ATL2: variants seen among roughly 807,000 people sequenced by gnomAD.
ATL2 encodes atlastin GTPase 2.
In ATL2, 31 loss-of-function variants were observed where a neutral mutation model predicts 73.9. That is an observed-to-expected ratio of 0.42 (90% CI 0.32 to 0.57). ATL2 has a LOEUF of 0.57. Ranked by LOEUF, ATL2 falls within the 20% of genes least tolerant of loss-of-function variation. The pLI, the probability that ATL2 is intolerant of heterozygous loss-of-function variation, is 0.14. For synonymous variants in ATL2, 291 were observed against 237.5 expected, an observed-to-expected ratio of 1.23 and a Z score of -2.07; for missense variants, 738 against 702.6, an observed-to-expected ratio of 1.05 and a Z score of -0.57.
intron 12 of ATL2, chr2:38,296,430 C>G: frequency 6.4e-7 from 1 of 1,556,948 alleles, no homozygotes; most frequent in Non-Finnish European, 8.7e-7. Flanking sequence ...GCTTATTGTC[C>G]TACATGTGTA....
In ATL2 at chr2:38,318,115, T is replaced by A. The variant is rs76699247; in HGVS notation, c.603+420A>T. On this transcript the variant is annotated intron_variant, in intron 4 of 12. Coordinates refer to ENST00000378954, the MANE Select transcript of ATL2 (RefSeq NM_001135673.4). Reference sequence around the variant, plus strand: ...GAGTGTGCATGATCACACCCATGAATAGCCACTGCACTCCAACCTGGGCAA... The same window carrying A: ...GAGTGTGCATGATCACACCCATGAAAAGCCACTGCACTCCAACCTGGGCAA... Among the ~76,000 whole-genome samples the A allele has an allele frequency of 6.8e-3, 1,042 of 152,130 alleles. 12 individuals are homozygous for A. Among genetic ancestry groups the A allele is most frequent in the East Asian group, 0.056 (291 of 5,158 alleles).
intron 2 of ATL2, among the ~76,000 whole-genome samples, chr2:38,337,490 A>AAAAAAAAAAAAAAAAAAAAAAAAAAC (rs1669435753): frequency 8.6e-6 from 1 of 115,684 alleles, no homozygotes; most frequent in Non-Finnish European, 1.7e-5. Flanking sequence ...TGTCTCCAAA[A>AAAAAAAAAAAAAAAAAAAAAAAAAAC]AAAAAAAAAA....
At chr2:38,324,628 A>C (rs1323319857) in intron 2 of ATL2, among the ~76,000 whole-genome samples, 7 of 152,210 alleles carry the variant, frequency 4.6e-5, no homozygotes, top group African/African-American at 1.7e-4. Flanking sequence ...GGACAAATCA[A>C]TGAAATTATG....
chr2:38,343,577 C>A (rs972002439), intron 1 of ATL2, 65 bp from the exon 2 acceptor site: 7 of 1,495,508 alleles, frequency 4.7e-6, no homozygotes, highest in Non-Finnish European at 6.4e-6. Flanking sequence ...CATTAAGGAC[C>A]ACAACTAAAG....
intron 2 of ATL2, among the ~76,000 whole-genome samples, chr2:38,336,793 A>C (rs1669381553): frequency 6.6e-6 from 1 of 152,218 alleles, no homozygotes; most frequent in South Asian, 2.1e-4. Context: ...TAAGTAAGAT[A>C]ATGCCTGCTA....
chr2:38,371,561 T>C (rs939424076), intron 1 of ATL2, among the ~76,000 whole-genome samples: 2 of 151,250 alleles, frequency 1.3e-5, no homozygotes, highest in Non-Finnish European at 2.9e-5. Context: ...CTAGGGTAGA[T>C]ATTAACCACT....
chr2:38,326,093 T>C (rs545760373), intron 2 of ATL2, among the ~76,000 whole-genome samples: 1 of 151,854 alleles, frequency 6.6e-6, no homozygotes, highest in African/African-American at 2.4e-5. Context: ...AAAATAAAAC[T>C]AAGATTTAAC....
chr2:38,353,191 A>C (rs1466654945), intron 1 of ATL2, among the ~76,000 whole-genome samples: 3 of 152,354 alleles, frequency 2.0e-5, no homozygotes, highest in East Asian at 3.9e-4. Context: ...AAATACGTTC[A>C]AGGACTTACA....
At chr2:38,324,978 T>C (rs1296960501) in intron 2 of ATL2, among the ~76,000 whole-genome samples, 1 of 152,176 alleles carries the variant, frequency 6.6e-6, no homozygotes, top group Non-Finnish European at 1.5e-5. Flanking sequence ...TACACAACAA[T>C]GTGAACAGAC....
intron 1 of ATL2, among the ~76,000 whole-genome samples, chr2:38,368,534 G>T (rs2124490580): frequency 6.6e-6 from 1 of 152,290 alleles, no homozygotes; most frequent in Admixed American, 6.5e-5. Flanking sequence ...TTACAGGCAT[G>T]AGCCACTGCA....
chr2:38,336,361 G>A (rs1417137587), intron 2 of ATL2, among the ~76,000 whole-genome samples: 1 of 152,128 alleles, frequency 6.6e-6, no homozygotes, highest in South Asian at 2.1e-4. Flanking sequence ...AAACATAAAG[G>A]ACAGTTTTTT....
intron 2 of ATL2, among the ~76,000 whole-genome samples, chr2:38,329,757 T>G (rs746166088): frequency 1.3e-5 from 2 of 152,120 alleles, no homozygotes; most frequent in Non-Finnish European, 1.5e-5. Context: ...CATGATCAAG[T>G]GGGATTTACT....
rs144429149 is a variant in ATL2, at chr2:38,372,910, C to G, written c.118+4233G>C. ...AACTTGCCTACCACCCTTGCCCAAA[C>G]TAAATCTCTGTCCACAGGAAAAAAT... is the stretch of plus-strand genomic sequence containing the variant. On this transcript the variant is annotated intron_variant, in intron 1 of 12. Coordinates refer to ENST00000378954, the MANE Select transcript of ATL2 (RefSeq NM_001135673.4). 2.3e-3 allele frequency among the ~76,000 whole-genome samples: 353 copies of G among 152,272 alleles called. 4 individuals carry two copies. Among genetic ancestry groups the G allele is most frequent in the African/African-American group, 7.8e-3 (323 of 41,552 alleles).
At chr2:38,337,486 CAAAAAAAAAAAAAAAAAA>C (rs755029194) in intron 2 of ATL2, among the ~76,000 whole-genome samples, 3 of 21,638 alleles carry the variant, frequency 1.4e-4, no homozygotes, top group South Asian at 3.3e-3. Flanking sequence ...ACTCTGTCTC[CAAAAAAAAAAAAAAAAAA>C]AAAAAAAAAA....
intron 5 of ATL2, 44 bp from the exon 6 acceptor site, chr2:38,314,708 A>C: frequency 7.6e-7 from 1 of 1,315,554 alleles, no homozygotes; most frequent in Non-Finnish European, 1.1e-6. Context: ...AAAGAGATTG[A>C]AAGAAGACAT....
intron 4 of ATL2, 112 bp from the exon 5 acceptor site, chr2:38,315,446 A>T: frequency 9.4e-7 from 1 of 1,069,322 alleles, no homozygotes; most frequent in South Asian, 1.7e-5. Context: ...GCGCAAAGGA[A>T]TCATTTAACT....
intron 7 of ATL2, among the ~76,000 whole-genome samples, 182 bp from the exon 8 acceptor site, chr2:38,310,629 C>CTTT (rs538258408): frequency 5.5e-5 from 7 of 127,296 alleles, no homozygotes; most frequent in South Asian, 5.0e-4. Flanking sequence ...TAAGACCCCA[C>CTTT]TTTTTTTTTT....
chr2:38,301,305 C>G (rs1667178630), intron 9 of ATL2, among the ~76,000 whole-genome samples: 1 of 152,146 alleles, frequency 6.6e-6, no homozygotes, highest in African/African-American at 2.4e-5. Flanking sequence ...TCATTCATAA[C>G]TGGGAAGGAG....
chr2:38,324,756 A>C (rs570659829), intron 2 of ATL2, among the ~76,000 whole-genome samples: 1 of 152,358 alleles, frequency 6.6e-6, no homozygotes, highest in African/African-American at 2.4e-5. Context: ...TTGACCTTGA[A>C]GACACTATGC....
Sources: gnomAD v4.1 joint callset for allele counts (sites outside exome capture counted in the v4.1 genomes callset) on GRCh38, gnomAD v4.1.1 for gene constraint, MANE v1.5 for transcripts, NCBI Gene and HGNC (gene_info 2026-07-23, HGNC 2026-07-21) for gene names.